The following EXD3 variants were observed in gnomAD, a reference collection of about 807,000 sequenced individuals.
EXD3 encodes exonuclease mut-7 homolog.
In EXD3, 92 loss-of-function variants were observed where a neutral mutation model predicts 98.0. The observed-to-expected ratio is 0.94, with a 90% CI of 0.79 to 1.12. The LOEUF (loss-of-function observed/expected upper bound fraction) is 1.12, where lower values mean the gene tolerates loss of function less well. Among genes scored for constraint, EXD3 ranks in the 50% most tolerant of loss-of-function variants. The probability of loss-of-function intolerance (pLI) is 0.00; values close to 1 mark genes in which losing one functional copy is unlikely to be tolerated. For synonymous variants in EXD3, 569 were observed against 526.0 expected (o/e 1.08, Z -1.12); for missense variants, 1,222 against 1,191.6 (o/e 1.03, Z -0.38).
At chr9:137,367,738 C>T (rs961361762) in intron 6 of EXD3, 198 bp downstream of exon 6, 24 of 560,878 alleles carry the variant, frequency 4.3e-5, no homozygotes, top group African/African-American at 1.5e-4. Flanking sequence ...CGTGTACGTG[C>T]GGCTGCGTCT....
intron 19 of EXD3, among the ~76,000 whole-genome samples, chr9:137,320,839 G>A (rs1461944584): frequency 2.6e-5 from 4 of 152,214 alleles, no homozygotes; most frequent in Non-Finnish European, 5.9e-5. Flanking sequence ...TGCAGCAGCC[G>A]ATTCTGAACA....
chr9:137,418,306 C>T (rs1291340596), intron 1 of EXD3, among the ~76,000 whole-genome samples: 2 of 152,144 alleles, frequency 1.3e-5, no homozygotes, highest in Non-Finnish European at 2.9e-5. Context: ...GCCGAGACTG[C>T]GCCACTGCAC....
At chr9:137,398,216 C>T (rs889529834) in intron 1 of EXD3, among the ~76,000 whole-genome samples, 3 of 152,182 alleles carry the variant, frequency 2.0e-5, no homozygotes, top group East Asian at 1.9e-4. Flanking sequence ...GGTCCACAGC[C>T]GGGCGCCCTC....
rs1834372726 is a variant in EXD3, at chr9:137,352,702, A to G, written c.955T>C (p.Cys319Arg). The G allele has an allele frequency of 1.3e-6, 2 of 1,564,690 alleles. No homozygotes were observed. The highest frequency in any genetic ancestry group is 1.4e-5 in the African/African-American group (1 of 73,626). ...TCGGGCAGCAAGAGTTCCATGGCAC[A>G]CTGGGCGGCCGTGACTGGGTCACTG... is the stretch of plus-strand genomic sequence containing the variant. ...SHSDPVTAAQ[C>R]AMELLLPEER... The change falls in exon 11 of 22, where the codon TGT (cysteine) becomes CGT (arginine). Residue 319 changes from cysteine (C) to arginine (R), a missense_variant. By Grantham distance (180) the Cys-to-Arg change is radical (BLOSUM62 -3). Coordinates refer to ENST00000340951, the MANE Select transcript of EXD3 (RefSeq NM_017820.5).
chr9:137,355,499 AG>A (rs143208480), intron 8 of EXD3, among the ~76,000 whole-genome samples: 2 of 27,762 alleles, frequency 7.2e-5, no homozygotes, highest in African/African-American at 2.1e-4. Flanking sequence ...GGATGGAGGA[AG>A]GAGGAAGGAG....
intron 1 of EXD3, among the ~76,000 whole-genome samples, chr9:137,417,085 C>T (rs1206652593): frequency 2.0e-5 from 3 of 152,228 alleles, no homozygotes; most frequent in Non-Finnish European, 4.4e-5. Flanking sequence ...GGGCGACCCT[C>T]GTGACGACCG....
rs1176941519 is a variant in EXD3 at position 137,405,261 on chromosome 9, A to G, written c.-47-9857T>C. 6.6e-6 allele frequency among the ~76,000 whole-genome samples: 1 copy of G among 152,028 alleles called. No individual in the cohort carries two copies. Among genetic ancestry groups the G allele is most frequent in the Non-Finnish European group, 1.5e-5 (1 of 67,978 alleles). On this transcript the variant is annotated intron_variant, in intron 1 of 21. Transcript: ENST00000340951. The surrounding 1 kb of genome is among the most constrained non-coding windows in gnomAD (Gnocchi z 4.1). ...CTGACCCACAGAGGGCTGGGCCAGC[A>G]CCCCCGGGGGAAGGCGGTGGGCACC...
intron 3 of EXD3, among the ~76,000 whole-genome samples, chr9:137,374,263 G>A (rs989727871): frequency 9.2e-5 from 14 of 152,230 alleles, no homozygotes; most frequent in Non-Finnish European, 1.9e-4. Flanking sequence ...AGGGGTGGAC[G>A]GGTTCACAGC....
intron 1 of EXD3, among the ~76,000 whole-genome samples, chr9:137,417,391 G>A (rs147434521): frequency 0.011 from 1,637 of 152,340 alleles, 20 homozygotes; most frequent in African/African-American, 0.037. Context: ...CACGGGTGAG[G>A]CCGAACCTGA....
intron 2 of EXD3, among the ~76,000 whole-genome samples, chr9:137,384,528 G>A (rs1031339864): frequency 1.3e-5 from 2 of 152,224 alleles, no homozygotes; most frequent in African/African-American, 2.4e-5. Flanking sequence ...AGGGCAGCAC[G>A]TAAGGATGCC....
intron 5 of EXD3, among the ~76,000 whole-genome samples, chr9:137,369,149 C>T (rs993135915): frequency 1.4e-4 from 2 of 14,152 alleles, no homozygotes; most frequent in African/African-American, 6.0e-4. Context: ...AGGGCCGGGG[C>T]GGGGCCTCAG....
At chr9:137,374,119 T>A (rs1835779044) in intron 3 of EXD3, among the ~76,000 whole-genome samples, 1 of 152,274 alleles carries the variant, frequency 6.6e-6, no homozygotes, top group Non-Finnish European at 1.5e-5. Flanking sequence ...CTACAGCAAG[T>A]TGGCCCTCGC....
intron 2 of EXD3, among the ~76,000 whole-genome samples, chr9:137,388,341 C>T (rs1229564449): frequency 2.0e-5 from 3 of 152,066 alleles, no homozygotes; most frequent in South Asian, 2.1e-4. Context: ...CTGACACCCC[C>T]GCGCCGGCCG....
At chr9:137,309,165 GGAGA>G (rs1297731391) in intron 20 of EXD3, among the ~76,000 whole-genome samples, 1 of 152,210 alleles carries the variant, frequency 6.6e-6, no homozygotes, top group African/African-American at 2.4e-5. Flanking sequence ...CTCCACAGGA[GGAGA>G]AAGAAGCCCT....
chr9:137,372,427 C>G (rs377738793), intron 5 of EXD3, among the ~76,000 whole-genome samples: 4 of 152,348 alleles, frequency 2.6e-5, no homozygotes, highest in African/African-American at 9.6e-5. Context: ...CCTCTGGGAG[C>G]GTTTCCTTCC....
intron 7 of EXD3, 82 bp from the exon 8 acceptor site, chr9:137,356,450 G>A: frequency 2.1e-6 from 2 of 931,468 alleles, no homozygotes; most frequent in South Asian, 1.4e-5. Context: ...ATAGTCATAT[G>A]CATGCATAGT....
intron 7 of EXD3, among the ~76,000 whole-genome samples, chr9:137,364,456 T>C (rs914135647): frequency 6.6e-6 from 1 of 152,000 alleles, no homozygotes; most frequent in Non-Finnish European, 1.5e-5. Flanking sequence ...ACCCCGTCTC[T>C]ACTAAAAATA....
chr9:137,404,775 G>A (rs182093175), intron 1 of EXD3, among the ~76,000 whole-genome samples: 5 of 152,018 alleles, frequency 3.3e-5, no homozygotes, highest in East Asian at 1.9e-4. Context: ...CAGGAGAAAT[G>A]CTTGAACCCG....
intron 17 of EXD3, among the ~76,000 whole-genome samples, chr9:137,329,453 G>GA (rs1403369900): frequency 1.1e-4 from 1 of 9,492 alleles, no homozygotes; most frequent in Non-Finnish European, 1.8e-4. Flanking sequence ...AGCTACACGG[G>GA]GCTACACGGG....
Sources: allele counts gnomAD v4.1 joint callset (sites outside exome capture counted in the v4.1 genomes callset), GRCh38; gene constraint gnomAD v4.1.1; non-coding constraint Gnocchi (gnomAD v3.1); transcripts MANE v1.5; gene names NCBI Gene and HGNC (gene_info 2026-07-23, HGNC 2026-07-21).